Variants in CCDC14 observed in about 807,000 individuals in gnomAD.
The protein encoded by CCDC14 is coiled-coil domain-containing protein 14.
In CCDC14, 71 loss-of-function variants were observed where a neutral mutation model predicts 81.4. The ratio of observed to expected loss-of-function variants is 0.87; its 90% CI spans 0.72 to 1.06. The LOEUF (loss-of-function observed/expected upper bound fraction) is 1.06, where lower values mean the gene tolerates loss of function less well. CCDC14 is among the 50% of genes least tolerant of loss of function. CCDC14 has a pLI of 0.00. For missense variants in CCDC14, 1,046 were observed against 1,047.3 expected, an observed-to-expected ratio of 1.00 and a Z score of 0.02; for synonymous variants, 332 against 364.8, an observed-to-expected ratio of 0.91 and a Z score of 1.03.
rs767948055 is a variant in CCDC14, at chr3:123,947,227, G to A, written c.777C>T (p.Thr259=). The change falls in exon 8 of 13, where the codon ACC becomes ACT. Residue 259 remains threonine (T), a synonymous_variant. Coordinates refer to ENST00000409697, the MANE Select transcript of CCDC14 (RefSeq NM_001366335.1). ...CTDVLRNSFN[T]SPGVPCSLPK... The stretch of plus-strand genomic sequence containing the variant: ...GCAGGCTACATGGAACTCCAGGACT[G>A]GTATTAAATGAATTCCGTAGAACAT... 3.1e-6 allele frequency: 5 copies of A among 1,613,822 alleles called. No homozygotes were observed. The highest frequency in any genetic ancestry group is 4.2e-6 in the Non-Finnish European group (5 of 1,179,818).
chr3:123,943,670 C>G (rs2036479375), intron 9 of CCDC14, among the ~76,000 whole-genome samples: 1 of 151,974 alleles, frequency 6.6e-6, no homozygotes, highest in Non-Finnish European at 1.5e-5. Flanking sequence ...CCCTTTTTGT[C>G]AAATCACATT....
intron 5 of CCDC14, among the ~76,000 whole-genome samples, chr3:123,898,005 A>C (rs1049697995): frequency 6.6e-6 from 1 of 152,236 alleles, no homozygotes; most frequent in African/African-American, 2.4e-5. Context: ...TCTATAGCCA[A>C]ATGATATCAT....
the CCDC14 span, among the ~76,000 whole-genome samples, chr3:123,891,602 C>T: frequency 3.9e-5 from 6 of 152,286 alleles, no homozygotes; most frequent in Admixed American, 3.3e-4. Context: ...CCAACAAGTT[C>T]CTCATCTCCA....
chr3:123,915,048 C>G lies in CCDC14; in HGVS notation c.2449G>C (p.Gly817Arg). 6.2e-7 allele frequency: 1 copy of G among 1,614,004 alleles called. No homozygotes were observed. Among genetic ancestry groups the G allele is most frequent in the African/African-American group, 1.3e-5 (1 of 75,060 alleles). Residue 817 changes from glycine to arginine, a missense_variant, in exon 13 of 13, where the codon GGT becomes CGT. Gly to Arg is a moderately radical substitution (Grantham distance 125). Coordinates refer to ENST00000409697, the MANE Select transcript of CCDC14 (RefSeq NM_001366335.1). ...QLLKKIKEAIGKIPAATKEPE... is the reference protein window; with the variant it reads ...QLLKKIKEAIRKIPAATKEPE... ...TCCTTGGTGGCAGCAGGGATCTTAC[C>G]AATTGCTTCCTTTATTTTCTTGAGG...
At chr3:123,904,905 T>C (rs1474450471) in intron 5 of CCDC14, among the ~76,000 whole-genome samples, 7 of 152,148 alleles carry the variant, frequency 4.6e-5, no homozygotes, top group Non-Finnish European at 1.0e-4. Flanking sequence ...AAGACAATTT[T>C]GCAGATGAAT....
rs1182340543 is a variant in CCDC14 at position 123,947,044 on chromosome 3, G to A, written c.960C>T (p.Asp320=). 4 of 1,613,864 alleles carry A rather than the reference G, an allele frequency of 2.5e-6. No individual in the cohort carries two copies. The highest frequency in any genetic ancestry group is 2.7e-5 in the African/African-American group (2 of 74,908). Residue 320 remains aspartate, a synonymous_variant, in exon 8 of 13, where the codon GAC becomes GAT. Coordinates refer to ENST00000409697, the MANE Select transcript of CCDC14 (RefSeq NM_001366335.1). ...GAGTAGGGCTTCGGTGTGTCTGACTGTCCAGATGCGTTTCTTTTCCATGAG... is the reference window on the plus strand; with the variant it reads ...GAGTAGGGCTTCGGTGTGTCTGACTATCCAGATGCGTTTCTTTTCCATGAG... The part of the protein sequence containing the change: ...FRSHGKETHL[D]SQTHRSPTQS...
intron 9 of CCDC14, among the ~76,000 whole-genome samples, chr3:123,940,741 T>G (rs777133719): frequency 2.0e-5 from 3 of 151,972 alleles, no homozygotes; most frequent in Non-Finnish European, 4.4e-5. Context: ...CAGTGCCAGA[T>G]CTATACAAAA....
chr3:123,907,561 C>A (rs1222667213), intron 5 of CCDC14, among the ~76,000 whole-genome samples: 2 of 150,254 alleles, frequency 1.3e-5, no homozygotes, highest in African/African-American at 4.9e-5. Context: ...AAAAAAAAAT[C>A]AAAAAAATTA....
chr3:123,915,688 G>A lies in CCDC14; in HGVS notation c.1809C>T (p.Leu603=). The part of the protein sequence containing the change: ...RTLQTSMAKL[L]SDLSVDSARC... ...GAGCACTGTCCACACTAAGATCGGAGAGAAGCTTTGCCATGCTAGTCTGTA... is the reference window on the plus strand; with the variant it reads ...GAGCACTGTCCACACTAAGATCGGAAAGAAGCTTTGCCATGCTAGTCTGTA... The change falls in exon 13 of 13, where the codon CTC becomes CTT. Residue 603 remains leucine, a synonymous_variant. Transcript: ENST00000409697. The A allele has an allele frequency of 1.2e-6, 2 of 1,612,878 alleles. No homozygotes were observed. Among genetic ancestry groups the A allele is most frequent in the South Asian group, 1.1e-5 (1 of 90,672 alleles).
chr3:123,908,211 T>C (rs1167051105), intron 5 of CCDC14, among the ~76,000 whole-genome samples: 2 of 152,130 alleles, frequency 1.3e-5, no homozygotes, highest in African/African-American at 2.4e-5. Context: ...TAGGAGGACA[T>C]ACCAAAGCCA....
intron 5 of CCDC14, among the ~76,000 whole-genome samples, chr3:123,899,465 T>C (rs2034137518): frequency 6.6e-6 from 1 of 152,192 alleles, no homozygotes; most frequent in African/African-American, 2.4e-5. Context: ...CTTCCCCTCG[T>C]CCCCGGGAAA....
intron 12 of CCDC14, among the ~76,000 whole-genome samples, chr3:123,919,946 T>C (rs895129299): frequency 6.6e-6 from 1 of 152,104 alleles, no homozygotes; most frequent in Non-Finnish European, 1.5e-5. Context: ...AGACAAAGAA[T>C]TGAGAATAAT....
chr3:123,914,231 A>T lies in CCDC14; in HGVS notation c.*548T>A, dbSNP rs536873220. 5.1e-6 allele frequency: 5 copies of T among 984,408 alleles called. No homozygotes were observed. The South Asian group carries it at 2.4e-4, about 46-fold the overall frequency. 61.0% of individuals were successfully genotyped at this position (984,408 alleles called of 1,614,324 possible). On this transcript the variant is annotated 3_prime_UTR_variant, in exon 13 of 13. Coordinates refer to ENST00000409697, the MANE Select transcript of CCDC14 (RefSeq NM_001366335.1). ...TTAGGATGTTATCTATATATTTTTT[A>T]GACCAATCAATGTTTTTTAAGAGGT...
intron 5 of CCDC14, chr3:123,955,097 TTA>T (rs1028240878): frequency 3.9e-5 from 6 of 152,148 alleles, no homozygotes; most frequent in Admixed American, 3.3e-4. Flanking sequence ...GGCTACTGCT[TTA>T]TATGACTTTC....
At chr3:123,896,876 G>A (rs1478798403), downstream of CCDC14, among the ~76,000 whole-genome samples, 2 of 151,980 alleles carry the variant, frequency 1.3e-5, no homozygotes, top group Non-Finnish European at 2.9e-5. Flanking sequence ...TATTATATAA[G>A]AATAAGATAA....
chr3:123,948,230 CTTTCT>C (rs1464644170), intron 7 of CCDC14, among the ~76,000 whole-genome samples: 1 of 143,198 alleles, frequency 7.0e-6, no homozygotes, highest in Non-Finnish European at 1.5e-5. Flanking sequence ...TAAAACTTTT[CTTTCT>C]TTTCTTTTTT....
chr3:123,904,446 TAGC>T (rs2034253904), intron 5 of CCDC14, among the ~76,000 whole-genome samples: 1 of 151,964 alleles, frequency 6.6e-6, no homozygotes, highest in South Asian at 2.1e-4. Context: ...ATGAAAAAAA[TAGC>T]AAGCATGATA....
chr3:123,956,777 G>A lies in CCDC14; in HGVS notation c.49C>T (p.His17Tyr). 1.3e-6 allele frequency: 2 copies of A among 1,544,794 alleles called. No individual in the cohort carries two copies. Among genetic ancestry groups the A allele is most frequent in the Non-Finnish European group, 1.8e-6 (2 of 1,141,674 alleles). The change falls in exon 2 of 13, where the codon CAC becomes TAC. Residue 17 changes from histidine (H) to tyrosine (Y), a missense_variant. His to Tyr is a moderately conservative substitution (Grantham distance 83). Transcript: ENST00000409697. ...TTTGTTAATTTAGCAGGTCCAGTGT[G>A]CCTTCCTGAAGATAACACCTATGAC... ...RPGQVLSSGRHTGPAKLTNGK... is the reference protein window; with the variant it reads ...RPGQVLSSGRYTGPAKLTNGK...
intron 5 of CCDC14, among the ~76,000 whole-genome samples, chr3:123,905,830 T>A (rs2034295069): frequency 6.6e-6 from 1 of 152,078 alleles, no homozygotes; most frequent in Non-Finnish European, 1.5e-5. Flanking sequence ...GCTAAAGGTA[T>A]CAGAAACAAT....
Sources: gnomAD v4.1 joint callset for allele counts (sites outside exome capture counted in the v4.1 genomes callset) on GRCh38, gnomAD v4.1.1 for gene constraint, MANE v1.5 for transcripts, NCBI Gene and HGNC (gene_info 2026-07-23, HGNC 2026-07-21) for gene names.